GRID2: variants seen among roughly 807,000 people sequenced by gnomAD.
GRID2 encodes glutamate receptor ionotropic, delta-2.
In GRID2, 33 loss-of-function variants were observed where a neutral mutation model predicts 114.8. The observed-to-expected ratio is 0.29, with a 90% CI of 0.22 to 0.38. The LOEUF is 0.38. Among genes scored for constraint, GRID2 ranks in the 10% least tolerant of loss-of-function variants. The pLI is 1.00. For synonymous variants in GRID2, 505 were observed against 449.9 expected (o/e 1.12, Z -1.55); for missense variants, 1,184 against 1,257.7 (o/e 0.94, Z 0.89).
intron 2 of GRID2, among the ~76,000 whole-genome samples, chr4:92,741,848 A>G (rs1736908687): frequency 1.3e-5 from 2 of 152,264 alleles, no homozygotes; most frequent in East Asian, 1.9e-4. Context: ...TAAGTAACTT[A>G]TTTTTCTGCC....
At chr4:92,317,510 T>A (rs1249601567) in intron 1 of GRID2, among the ~76,000 whole-genome samples, 3 of 152,150 alleles carry the variant, frequency 2.0e-5, no homozygotes, top group African/African-American at 7.2e-5. Context: ...AGTTAATAAA[T>A]AGCAAAACTG....
At chr4:93,413,248 G>C (rs1306327434) in intron 9 of GRID2, among the ~76,000 whole-genome samples, 2 of 152,116 alleles carry the variant, frequency 1.3e-5, no homozygotes, top group Admixed American at 6.5e-5. Flanking sequence ...TCACAGCCTT[G>C]CCAGCATCTG....
rs564242588 is a variant in GRID2 at position 92,696,034 on chromosome 4, T to G, written c.244+105748T>G. Among the ~76,000 whole-genome samples the G allele has an allele frequency of 1.2e-4, 19 of 152,300 alleles. No homozygotes were observed. The South Asian group carries it at 3.9e-3, about 32-fold the overall frequency. ...ATATGCTTCACTAAATAATACTGTT[T>G]TTGTTATTAGTTCTAAGACTTGTTA... is the stretch of plus-strand genomic sequence containing the variant. On this transcript the variant is annotated intron_variant, in intron 2 of 15. Coordinates refer to ENST00000282020, the MANE Select transcript of GRID2 (RefSeq NM_001510.4).
At position 93,101,648 on chromosome 4, in the gene GRID2, C is replaced by T. The variant is rs1251599719; in HGVS notation, c.530-9100C>T. On this transcript the variant is annotated intron_variant, in intron 3 of 15. Coordinates refer to ENST00000282020, the MANE Select transcript of GRID2 (RefSeq NM_001510.4). ...CTACCCTAATCTACTTTAATATAAA[C>T]CATTTTAGTAGAGAGATTAAAATTA... Among the ~76,000 whole-genome samples the T allele has an allele frequency of 5.3e-5, 8 of 151,930 alleles. No individual in the cohort carries two copies. In the South Asian group the frequency reaches 1.7e-3, roughly 31 times the overall value.
rs898063810 is a variant in GRID2 at position 93,365,403 on chromosome 4, T to G, written c.1246-30204T>G. On this transcript the variant is annotated intron_variant, in intron 8 of 15. Transcript: ENST00000282020. ...GTTCAGCATTTAATCAAATTTACCA[T>G]GCATAGTAGGTATTCCATGTATAGG... Among the ~76,000 whole-genome samples, 99 of 152,188 alleles carry G rather than the reference T, an allele frequency of 6.5e-4. 1 individual carries two copies. Among genetic ancestry groups the G allele is most frequent in the Non-Finnish European group, 2.2e-4 (15 of 68,016 alleles).
At chr4:93,406,207 G>GA (rs1171287680) in intron 9 of GRID2, among the ~76,000 whole-genome samples, 1 of 152,120 alleles carries the variant, frequency 6.6e-6, no homozygotes, top group Non-Finnish European at 1.5e-5. Context: ...GCCAAGTATG[G>GA]AAAAACCTTT....
intron 14 of GRID2, among the ~76,000 whole-genome samples, chr4:93,714,221 A>C (rs771834876): frequency 2.6e-5 from 4 of 152,044 alleles, no homozygotes; most frequent in Non-Finnish European, 5.9e-5. Flanking sequence ...TAGTTTGCTG[A>C]GGATAATGTC....
chr4:92,807,584 G>A (rs1229843272), intron 2 of GRID2, among the ~76,000 whole-genome samples: 1 of 151,856 alleles, frequency 6.6e-6, no homozygotes, highest in Non-Finnish European at 1.5e-5. Flanking sequence ...AAATACAAAA[G>A]CACTACCAAA....
chr4:92,920,695 T>C (rs941546677), intron 2 of GRID2, among the ~76,000 whole-genome samples: 1 of 152,226 alleles, frequency 6.6e-6, no homozygotes, highest in African/African-American at 2.4e-5. Context: ...TTCTGGCTTG[T>C]AGAGTTTCTG....
chr4:93,446,619 C>A (rs1470437249), intron 10 of GRID2, among the ~76,000 whole-genome samples: 2 of 152,018 alleles, frequency 1.3e-5, no homozygotes, highest in Non-Finnish European at 1.5e-5. Context: ...ATCTCATGAA[C>A]TTTCCAAGGG....
intron 1 of GRID2, among the ~76,000 whole-genome samples, chr4:92,441,612 G>T (rs180742921): frequency 0.014 from 2,133 of 152,190 alleles, 29 homozygotes; most frequent in Non-Finnish European, 0.017. Flanking sequence ...TAAAATGGGG[G>T]AATTGTAAGG....
chr4:93,143,900 AG>A, intron 4 of GRID2, among the ~76,000 whole-genome samples: 1 of 152,232 alleles, frequency 6.6e-6, no homozygotes, highest in Non-Finnish European at 1.5e-5. Flanking sequence ...TTTTCTATAT[AG>A]ATTTTAAGAA....
intron 2 of GRID2, among the ~76,000 whole-genome samples, chr4:92,827,447 C>T (rs1741798558): frequency 6.6e-6 from 1 of 150,670 alleles, no homozygotes; most frequent in South Asian, 2.1e-4. Flanking sequence ...GTTACTATGT[C>T]CCTTCTGTCT....
Position 92,552,093 on chromosome 4 carries a change from T to C in GRID2, c.89-38038T>C, listed in dbSNP as rs182546377. On this transcript the variant is annotated intron_variant, in intron 1 of 15. Coordinates refer to ENST00000282020, the MANE Select transcript of GRID2 (RefSeq NM_001510.4). Reference sequence around the variant, plus strand: ...ATTCAAGATGAAAGAAAATTCAAAATTGGAATTTAGATGAAAGGGTAGTGC... The same window carrying C: ...ATTCAAGATGAAAGAAAATTCAAAACTGGAATTTAGATGAAAGGGTAGTGC... 7.9e-5 allele frequency among the ~76,000 whole-genome samples: 12 copies of C among 152,126 alleles called. No homozygotes were observed. In the East Asian group the frequency reaches 1.6e-3, roughly 20 times the overall value.
chr4:92,953,395 A>C (rs924774710), intron 2 of GRID2, among the ~76,000 whole-genome samples: 1 of 152,200 alleles, frequency 6.6e-6, no homozygotes, highest in Non-Finnish European at 1.5e-5. Flanking sequence ...ATAGTCTACT[A>C]TAAATGTTGA....
At chr4:93,152,693 A>T (rs1160659729) in intron 4 of GRID2, among the ~76,000 whole-genome samples, 1 of 152,140 alleles carries the variant, frequency 6.6e-6, no homozygotes, top group African/African-American at 2.4e-5. Context: ...ACTGCTTTGC[A>T]TGGCTAATTC....
At chr4:92,677,396 G>A (rs1276481584) in intron 2 of GRID2, among the ~76,000 whole-genome samples, 1 of 152,156 alleles carries the variant, frequency 6.6e-6, no homozygotes, top group Admixed American at 6.5e-5. Context: ...CTTATGAAAA[G>A]GATTCTGCTA....
intron 2 of GRID2, among the ~76,000 whole-genome samples, chr4:92,906,316 G>A (rs776203699): frequency 6.6e-6 from 1 of 152,180 alleles, no homozygotes; most frequent in Non-Finnish European, 1.5e-5. Flanking sequence ...TGGTGTTCTT[G>A]CTGTGCTTTT....
intron 4 of GRID2, among the ~76,000 whole-genome samples, chr4:93,131,732 T>TTAA (rs1304924537): frequency 4.6e-5 from 7 of 152,156 alleles, no homozygotes; most frequent in African/African-American, 1.7e-4. Context: ...GTAACTGGGA[T>TTAA]ATTCATTACC....
Sources: gnomAD v4.1 joint callset for allele counts (sites outside exome capture counted in the v4.1 genomes callset) on GRCh38, gnomAD v4.1.1 for gene constraint, MANE v1.5 for transcripts, NCBI Gene and HGNC (gene_info 2026-07-23, HGNC 2026-07-21) for gene names.